The following TTC13 variants were observed in gnomAD, a reference collection of about 807,000 sequenced individuals.
TTC13 encodes tetratricopeptide repeat protein 13.
In TTC13, 62 loss-of-function variants were observed where a neutral mutation model predicts 120.0. That is an observed-to-expected ratio of 0.52 (90% confidence interval 0.42 to 0.64). The LOEUF (loss-of-function observed/expected upper bound fraction) is 0.64. Among genes scored for constraint, TTC13 ranks in the 30% least tolerant of loss-of-function variants. The pLI is 0.00. For missense variants in TTC13, 824 were observed against 1,050.2 expected (o/e 0.78, Z 2.98); for synonymous variants, 384 against 393.5 (o/e 0.98, Z 0.28).
At chr1:230,935,094 A>C (rs796141245) in intron 8 of TTC13, among the ~76,000 whole-genome samples, 7 of 152,328 alleles carry the variant, frequency 4.6e-5, no homozygotes, top group African/African-American at 1.7e-4. Context: ...GGGTAGAGAG[A>C]TGAGAATGGA....
intron 1 of TTC13, among the ~76,000 whole-genome samples, chr1:230,967,937 T>C (rs929848065): frequency 6.6e-6 from 1 of 152,224 alleles, no homozygotes; most frequent in Non-Finnish European, 1.5e-5. Context: ...TGAAAACGCA[T>C]CACAGAATTC....
chr1:230,971,201 C>T (rs571101601), intron 1 of TTC13, among the ~76,000 whole-genome samples: 2 of 151,270 alleles, frequency 1.3e-5, no homozygotes, highest in Admixed American at 6.6e-5. Context: ...AAAAAATTAG[C>T]CGGGCGTGGT....
chr1:230,945,973 C>A (rs1343007369), intron 4 of TTC13, among the ~76,000 whole-genome samples: 1 of 152,222 alleles, frequency 6.6e-6, no homozygotes, highest in Admixed American at 6.5e-5. Flanking sequence ...TTCAACCCTT[C>A]ATACTAATGG....
At chr1:230,956,297 GA>G in intron 3 of TTC13, 1 of 184,806 alleles carries the variant, frequency 5.4e-6, no homozygotes, top group Non-Finnish European at 1.1e-5. Flanking sequence ...CCAAGGGGCT[GA>G]AATTCCTTAA....
chr1:230,945,755 C>T (rs903576696), intron 4 of TTC13, among the ~76,000 whole-genome samples: 4 of 152,182 alleles, frequency 2.6e-5, no homozygotes, highest in African/African-American at 7.2e-5. Context: ...ATCCTCTCAA[C>T]AACTCTGGCA....
chr1:230,933,012 G>A lies in TTC13; in HGVS notation c.983+767C>T, dbSNP rs192930432. Reference sequence around the variant, plus strand: ...TTTTGAGATAGAGTCTCGCTCTGTCGCCCAAGCTGGAGTGCAGTGGTGCAA... The same window carrying A: ...TTTTGAGATAGAGTCTCGCTCTGTCACCCAAGCTGGAGTGCAGTGGTGCAA... On this transcript the variant is annotated intron_variant, in intron 9 of 22. Transcript: ENST00000366661. 3.0e-3 allele frequency among the ~76,000 whole-genome samples: 463 copies of A among 151,978 alleles called. 3 individuals are homozygous for A. Among genetic ancestry groups the A allele is most frequent in the African/African-American group, 0.01 (432 of 41,416 alleles).
intron 8 of TTC13, among the ~76,000 whole-genome samples, chr1:230,938,237 C>A (rs1441660901): frequency 2.6e-5 from 4 of 152,350 alleles, no homozygotes; most frequent in East Asian, 3.9e-4. Flanking sequence ...TTTGGCTGTG[C>A]AGGCTGCCTC....
Position 230,931,733 on chromosome 1 carries a change from C to T in TTC13, c.1125+3G>A. On this transcript the variant is annotated splice_donor_region_variant and intron_variant, in intron 10 of 22. Transcript: ENST00000366661. ...TACAGTGTTCTTATTTATGGATGCT[C>T]ACCTTAAAGTTCTTAAGGGCTTCCT... The T allele has an allele frequency of 6.2e-7, 1 of 1,613,068 alleles. No individual in the cohort carries two copies. Among genetic ancestry groups the T allele is most frequent in the Non-Finnish European group, 8.5e-7 (1 of 1,179,658 alleles).
At position 230,970,802 on chromosome 1, in the gene TTC13, G is replaced by A. The variant is rs114094585; in HGVS notation, c.271+7758C>T. On this transcript the variant is annotated intron_variant, in intron 1 of 22. Transcript: ENST00000366661. ...AGCTGCTGGGTAGCACTTATCACTC[G>A]ACCACCTAGTTATAACAGACAGCAC... Among the ~76,000 whole-genome samples, 273 of 152,208 alleles carry A rather than the reference G, an allele frequency of 1.8e-3. 1 individual carries two copies. The highest frequency in any genetic ancestry group is 5.6e-3 in the African/African-American group (232 of 41,524).
chr1:230,912,881 CT>C, intron 18 of TTC13, 123 bp from the exon 19 acceptor site: 1 of 838,668 alleles, frequency 1.2e-6, no homozygotes, highest in Non-Finnish European at 1.8e-6. Flanking sequence ...AAGAATGTAC[CT>C]TACCTTTCTA....
chr1:230,971,260 G>GGCATGGACCCAGGAGGCAGAGCTT (rs1677709627), intron 1 of TTC13, among the ~76,000 whole-genome samples: 1 of 148,490 alleles, frequency 6.7e-6, no homozygotes, highest in Admixed American at 6.9e-5. Context: ...GCAGGAGAAT[G>GGCATGGACCCAGGAGGCAGAGCTT]GCATGGACCC....
chr1:230,908,843 C>T (rs773557194), intron 21 of TTC13, 52 bp from the exon 22 acceptor site: 12 of 1,605,328 alleles, frequency 7.5e-6, no homozygotes, highest in Middle Eastern at 1.7e-4. Context: ...GACACAGGCT[C>T]GGCTGGAGAT....
Position 230,945,429 on chromosome 1 carries a change from A to G in TTC13, c.539T>C (p.Ile180Thr), listed in dbSNP as rs1313482356. The change falls in exon 5 of 23, where the codon ATT (isoleucine) becomes ACT (threonine). Residue 180 changes from isoleucine to threonine, a missense_variant. Coordinates refer to ENST00000366661, the MANE Select transcript of TTC13 (RefSeq NM_024525.5). ...LQEEPDLVSA[I>T]YGRGIAYGKK... ...TCCATAGGCTATCCCTCGGCCATAA[A>G]TTGCACTAACCAGATCAGGCTCCTC... 12 of 1,614,150 alleles carry G rather than the reference A, an allele frequency of 7.4e-6. No individual in the cohort carries two copies. The highest frequency in any genetic ancestry group is 1.0e-5 in the Non-Finnish European group (12 of 1,180,018).
At position 230,940,692 on chromosome 1, in the gene TTC13, TA is replaced by T. The variant is rs1170972496; in HGVS notation, c.673-137del. ...CAGCAGGCTGCAATCCTTGACCCCC[TA>T]TATTATGCGGTGGGGTTCAAAGTCA... On this transcript the variant is annotated intron_variant, in intron 6 of 22. Transcript: ENST00000366661. The surrounding 1 kb of genome is among the most constrained non-coding windows in gnomAD (Gnocchi z 4.1). The T allele has an allele frequency of 6.5e-6, 4 of 619,266 alleles. No homozygotes were observed. The Admixed American group carries it at 7.4e-5, about 11-fold the overall frequency. The allele number at this position is 619,266 out of a possible 1,614,324, so 38.4% of individuals were successfully genotyped here. A position where few individuals can be genotyped will look rare whatever the true frequency, so the allele number is the denominator to read the frequency against.
rs767992608 is a variant in TTC13 at position 230,931,401 on chromosome 1, T to C, written c.1197A>G (p.Gly399=). Residue 399 remains glycine (G), a synonymous_variant, in exon 11 of 23, where the codon GGA becomes GGG. Coordinates refer to ENST00000366661, the MANE Select transcript of TTC13 (RefSeq NM_024525.5). ...YMKGLSHVAM[G]QFYEGIKAQT... ...GTGCTTTTATCCCTTCATAAAACTG[T>C]CCCATGGCAACATGGCTGAGCCCTT... is the stretch of plus-strand genomic sequence containing the variant. 4 of 1,614,116 alleles carry C rather than the reference T, an allele frequency of 2.5e-6. No homozygotes were observed. The African/African-American group carries it at 4.0e-5, about 16-fold the overall frequency.
chr1:230,934,996 G>A (rs750070088), intron 8 of TTC13, among the ~76,000 whole-genome samples: 4 of 152,192 alleles, frequency 2.6e-5, no homozygotes, highest in Admixed American at 6.5e-5. Flanking sequence ...GAGACAGCAG[G>A]ACAAGACAGG....
At chr1:230,912,152 C>G (rs1235369814) in intron 19 of TTC13, among the ~76,000 whole-genome samples, 3 of 152,126 alleles carry the variant, frequency 2.0e-5, no homozygotes, top group African/African-American at 7.2e-5. Context: ...TCCAAGCAGA[C>G]AACCAAAGAA....
chr1:230,954,199 C>T (rs1675840526), intron 4 of TTC13, 134 bp downstream of exon 4: 1 of 547,916 alleles, frequency 1.8e-6, no homozygotes, highest in African/African-American at 1.9e-5. Context: ...AGAAAGTGCT[C>T]AGTCCATACC....
At chr1:230,908,259 C>T (rs1185248344) in intron 22 of TTC13, among the ~76,000 whole-genome samples, 2 of 152,204 alleles carry the variant, frequency 1.3e-5, no homozygotes, top group Non-Finnish European at 2.9e-5. Flanking sequence ...GCAACCATAG[C>T]TCACTGCAGC....
Sources: allele counts gnomAD v4.1 joint callset (sites outside exome capture counted in the v4.1 genomes callset), GRCh38; gene constraint gnomAD v4.1.1; non-coding constraint Gnocchi (gnomAD v3.1); transcripts MANE v1.5; gene names NCBI Gene and HGNC (gene_info 2026-07-23, HGNC 2026-07-21).